The following MAP4K3 variants were observed in gnomAD, a reference collection of about 807,000 sequenced individuals.
MAP4K3 encodes MAPK/ERK kinase kinase kinase 3.
A neutral mutation model predicts 143.5 loss-of-function variants in MAP4K3; 94 were observed. The ratio of observed to expected loss-of-function variants is 0.65; its 90% CI spans 0.55 to 0.78. The LOEUF (loss-of-function observed/expected upper bound fraction) is 0.78, where lower values mean the gene tolerates loss of function less well. Ranked by LOEUF, MAP4K3 falls within the 30% of genes least tolerant of loss-of-function variation. MAP4K3 has a pLI of 0.00. For synonymous variants in MAP4K3, 416 were observed against 347.2 expected (o/e 1.20, Z -2.20); for missense variants, 1,077 against 1,068.1 (o/e 1.01, Z -0.12).
chr2:39,330,351 C>G (rs1302260632), intron 8 of MAP4K3, among the ~76,000 whole-genome samples: 1 of 152,042 alleles, frequency 6.6e-6, no homozygotes, highest in Non-Finnish European at 1.5e-5. Flanking sequence ...AAAACTCTAT[C>G]CTAGAATTAC....
intron 15 of MAP4K3, among the ~76,000 whole-genome samples, chr2:39,306,069 C>A (rs1682694644): frequency 1.3e-5 from 2 of 152,212 alleles, no homozygotes; most frequent in Admixed American, 6.5e-5. Context: ...ACCTCATGAT[C>A]TGCCCGCCTT....
chr2:39,251,866 T>C lies in MAP4K3; in HGVS notation c.2561A>G (p.Asp854Gly). Reference protein sequence around the residue: ...RSNEVTQEISDSTRIFRLLGS... With the variant: ...RSNEVTQEISGSTRIFRLLGS... Reference sequence around the variant, plus strand: ...AAGCAGCCTGAAAATTCTTGTGCTATCTGAAATTTCTTGTGTTACCTGTTC... The same window carrying C: ...AAGCAGCCTGAAAATTCTTGTGCTACCTGAAATTTCTTGTGTTACCTGTTC... Residue 854 changes from aspartate (D) to glycine (G), a missense_variant, in exon 33 of 34, where the codon GAT (aspartate) becomes GGT (glycine). Physicochemically the swap from Asp to Gly is moderately conservative, Grantham distance 94. Around this residue, in one of 2 missense-constraint regions of MAP4K3, gnomAD observed 864 missense variants for 801.2 expected, o/e 1.08. Coordinates refer to ENST00000263881, the MANE Select transcript of MAP4K3 (RefSeq NM_003618.4). 6.2e-7 allele frequency: 1 copy of C among 1,613,662 alleles called. No individual in the cohort carries two copies. Among genetic ancestry groups the C allele is most frequent in the Non-Finnish European group, 8.5e-7 (1 of 1,179,790 alleles).
rs774874790 is a variant in MAP4K3 at position 39,308,024 on chromosome 2, G to C, written c.1057-19C>G. 35 of 1,573,534 alleles carry C rather than the reference G, an allele frequency of 2.2e-5. No homozygotes were observed. The highest frequency in any genetic ancestry group is 1.7e-4 in the Middle Eastern group (1 of 5,930). On this transcript the variant is annotated intron_variant, in intron 14 of 33. Transcript: ENST00000263881. The stretch of plus-strand genomic sequence containing the variant: ...TGTCGGGCTGTTTAGCAGAGACCAA[G>C]AAACCCAAGTTATTTACGCTTAGAC...
At chr2:39,399,799 T>C (rs1666905469) in intron 1 of MAP4K3, among the ~76,000 whole-genome samples, 1 of 152,158 alleles carries the variant, frequency 6.6e-6, no homozygotes, top group Admixed American at 6.5e-5. Flanking sequence ...CAAGCATACA[T>C]TTTAGTGTTT....
At chr2:39,363,834 T>C (rs1665839531) in intron 2 of MAP4K3, among the ~76,000 whole-genome samples, 1 of 148,704 alleles carries the variant, frequency 6.7e-6, no homozygotes. Flanking sequence ...ATACTGGGGA[T>C]TTTTTTTTTA....
intron 26 of MAP4K3, among the ~76,000 whole-genome samples, chr2:39,270,460 C>T (rs1023961624): frequency 2.0e-5 from 3 of 152,128 alleles, no homozygotes; most frequent in African/African-American, 7.2e-5. Flanking sequence ...ATTTATCATG[C>T]CCAATAATGA....
chr2:39,344,338 C>T (rs1307928272), intron 3 of MAP4K3, among the ~76,000 whole-genome samples: 1 of 152,168 alleles, frequency 6.6e-6, no homozygotes, highest in African/African-American at 2.4e-5. Context: ...AACTATGAAT[C>T]GTTTTCCTAT....
intron 21 of MAP4K3, among the ~76,000 whole-genome samples, chr2:39,284,165 G>GT (rs1681664313): frequency 6.6e-6 from 1 of 151,720 alleles, no homozygotes; most frequent in African/African-American, 2.4e-5. Flanking sequence ...TTTTGTTGTT[G>GT]TTTTTTTATT....
At chr2:39,409,061 C>T (rs1667169351) in intron 1 of MAP4K3, among the ~76,000 whole-genome samples, 1 of 152,128 alleles carries the variant, frequency 6.6e-6, no homozygotes. Context: ...TCACTTCTGC[C>T]ACCCTGACAG....
chr2:39,419,058 A>C (rs1348618617), intron 1 of MAP4K3, among the ~76,000 whole-genome samples: 1 of 152,232 alleles, frequency 6.6e-6, no homozygotes, highest in African/African-American at 2.4e-5. Context: ...ACTTTTTGTA[A>C]ATCCAAAAAT....
chr2:39,392,608 T>A (rs1205789379), intron 1 of MAP4K3, among the ~76,000 whole-genome samples: 1 of 152,196 alleles, frequency 6.6e-6, no homozygotes, highest in Non-Finnish European at 1.5e-5. Context: ...CTCCATTAGC[T>A]GTCACTATGG....
intron 1 of MAP4K3, among the ~76,000 whole-genome samples, chr2:39,413,185 A>G (rs1270710384): frequency 1.3e-5 from 2 of 152,272 alleles, no homozygotes; most frequent in Non-Finnish European, 2.9e-5. Flanking sequence ...GAGTCAGGCT[A>G]AATTCCTTGT....
At chr2:39,418,621 A>G (rs1425743161) in intron 1 of MAP4K3, among the ~76,000 whole-genome samples, 1 of 152,178 alleles carries the variant, frequency 6.6e-6, no homozygotes, top group Non-Finnish European at 1.5e-5. Flanking sequence ...GCCGGTGATC[A>G]AAGTTAACAC....
intron 12 of MAP4K3, among the ~76,000 whole-genome samples, chr2:39,319,747 A>G (rs1683242296): frequency 6.6e-6 from 1 of 152,192 alleles, no homozygotes; most frequent in Admixed American, 6.5e-5. Context: ...AAGAACCTAG[A>G]CAAATGAAAT....
intron 1 of MAP4K3, among the ~76,000 whole-genome samples, chr2:39,391,965 G>A (rs375732751): frequency 6.6e-6 from 1 of 151,954 alleles, no homozygotes; most frequent in Admixed American, 6.6e-5. Context: ...GGCAGATCAC[G>A]AGGTCAAGAG....
chr2:39,352,782 C>A (rs1665496586), intron 3 of MAP4K3, among the ~76,000 whole-genome samples: 1 of 152,114 alleles, frequency 6.6e-6, no homozygotes, highest in South Asian at 2.1e-4. Context: ...ATATGCTAGT[C>A]ATCTACTAAG....
chr2:39,261,696 C>T (rs539140502), intron 28 of MAP4K3, among the ~76,000 whole-genome samples: 1 of 152,110 alleles, frequency 6.6e-6, no homozygotes, highest in Non-Finnish European at 1.5e-5. Flanking sequence ...AAAATTACGG[C>T]ACATTCACAA....
chr2:39,423,179 A>G (rs1333002928), intron 1 of MAP4K3, among the ~76,000 whole-genome samples: 1 of 152,244 alleles, frequency 6.6e-6, no homozygotes, highest in Non-Finnish European at 1.5e-5. Flanking sequence ...GATGACCAAC[A>G]TCATATACCA....
At chr2:39,261,069 G>A in intron 28 of MAP4K3, 1 of 262,494 alleles carries the variant, frequency 3.8e-6, no homozygotes, top group African/African-American at 2.3e-5. Context: ...CCCAGGAACT[G>A]GGTGACCAGC....
Sources: gnomAD v4.1 joint callset for allele counts (sites outside exome capture counted in the v4.1 genomes callset) on GRCh38, gnomAD v4.1.1 for gene constraint, gnomAD v4.1.1 regional missense constraint, MANE v1.5 for transcripts, NCBI Gene and HGNC (gene_info 2026-07-23, HGNC 2026-07-21) for gene names.